The following BRD4 variants were observed in gnomAD, a reference collection of about 807,000 sequenced individuals.
BRD4 encodes the protein bromodomain-containing protein 4.
Under a neutral mutation model 142.1 loss-of-function variants are expected in BRD4, and 16 were observed. The observed-to-expected ratio is 0.11, with a 90% CI of 0.08 to 0.17. The LOEUF is 0.17. Among genes scored for constraint, BRD4 ranks in the 10% least tolerant of loss-of-function variants. BRD4 has a pLI of 1.00. For missense variants in BRD4, 1,424 were observed against 1,810.9 expected (o/e 0.79, Z 3.88); for synonymous variants, 833 against 707.5 (o/e 1.18, Z -2.82).
chr19:15,255,609 C>G lies in BRD4; in HGVS notation c.1752-17G>C. 1 of 1,583,580 alleles carries G rather than the reference C, an allele frequency of 6.3e-7. No homozygotes were observed. Among genetic ancestry groups the G allele is most frequent in the Non-Finnish European group, 8.6e-7 (1 of 1,160,852 alleles). On this transcript the variant is annotated splice_polypyrimidine_tract_variant and intron_variant, in intron 9 of 19. Coordinates refer to ENST00000679869, the MANE Select transcript of BRD4 (RefSeq NM_001379291.1). ...TCCTTCTTGCTACGAAGGGACGATG[C>G]AGACACCATCAAGAACGGGCCCCCT...
chr19:15,264,831 G>A (rs1032081225), intron 5 of BRD4, 65 bp from the exon 6 acceptor site: 73 of 1,543,860 alleles, frequency 4.7e-5, no homozygotes, highest in Admixed American at 1.9e-4. Context: ...TGCCCTCAGG[G>A]TCACCCCCAA....
intron 2 of BRD4, among the ~76,000 whole-genome samples, chr19:15,269,260 G>C (rs1456555826): frequency 6.6e-6 from 1 of 152,196 alleles, no homozygotes; most frequent in Non-Finnish European, 1.5e-5. Flanking sequence ...GTAATTCAGA[G>C]GGAAACGTAC....
chr19:15,316,103 C>G (rs1202056201), intron 1 of BRD4, among the ~76,000 whole-genome samples: 5 of 145,800 alleles, frequency 3.4e-5, no homozygotes, highest in Admixed American at 7.1e-5. Context: ...TTGCAGTGAG[C>G]CGAGATCGCG....
chr19:15,252,061 T>G (rs1429765046), intron 11 of BRD4, among the ~76,000 whole-genome samples: 1 of 152,196 alleles, frequency 6.6e-6, no homozygotes, highest in African/African-American at 2.4e-5. Flanking sequence ...TTTCCACTTT[T>G]TTTTAAAGTG....
At chr19:15,301,289 A>G (rs2047865267) in intron 1 of BRD4, among the ~76,000 whole-genome samples, 2 of 152,322 alleles carry the variant, frequency 1.3e-5, no homozygotes, top group African/African-American at 2.4e-5. Context: ...GGAGCCGGAC[A>G]CGGTGGCTCA....
chr19:15,325,895 G>A (rs184829816), intron 1 of BRD4, among the ~76,000 whole-genome samples: 367 of 150,940 alleles, frequency 2.4e-3, no homozygotes, highest in African/African-American at 8.4e-3. Context: ...CTACTAAGGA[G>A]GCTGAGGCAG....
rs2145498916 is a variant in BRD4 at position 15,238,970 on chromosome 19, C to A, written c.3793G>T (p.Asp1265Tyr). ...LRQERMRSRE[D>Y]EDALEQARRA... Reference sequence around the variant, plus strand: ...CGGGCCTGCTCCAGCGCATCCTCGTCCTCTCGGCTCCTGGGCAGAGGGTCC... The same window carrying A: ...CGGGCCTGCTCCAGCGCATCCTCGTACTCTCGGCTCCTGGGCAGAGGGTCC... Residue 1265 changes from aspartate to tyrosine, a missense_variant, in exon 19 of 20, where the codon GAC (aspartate) becomes TAC (tyrosine). Physicochemically the swap from Asp to Tyr is radical, Grantham distance 160. Coordinates refer to ENST00000679869, the MANE Select transcript of BRD4 (RefSeq NM_001379291.1). This position sits in a 1 kb window ranked among gnomAD's most constrained non-coding sequence, Gnocchi z 7.2. 6.3e-7 allele frequency: 1 copy of A among 1,587,054 alleles called. No individual in the cohort carries two copies.
chr19:15,291,679 G>A (rs957619345), intron 1 of BRD4, among the ~76,000 whole-genome samples: 1 of 152,108 alleles, frequency 6.6e-6, no homozygotes, highest in Non-Finnish European at 1.5e-5. Context: ...TTTGAACACA[G>A]GGGCTTGTGG....
intron 1 of BRD4, among the ~76,000 whole-genome samples, chr19:15,286,657 A>T (rs1568398667): frequency 1.3e-5 from 2 of 152,218 alleles, no homozygotes; most frequent in Non-Finnish European, 2.9e-5. Context: ...TCAGGTGCTA[A>T]ATTTTCACCC....
chr19:15,268,567 T>C (rs2047556705), intron 3 of BRD4, among the ~76,000 whole-genome samples: 1 of 152,140 alleles, frequency 6.6e-6, no homozygotes, highest in South Asian at 2.1e-4. Context: ...ATCACCCAAA[T>C]GGACTTTGTC....
intron 11 of BRD4, among the ~76,000 whole-genome samples, chr19:15,246,284 G>A (rs1025162281): frequency 5.3e-5 from 8 of 152,266 alleles, no homozygotes; most frequent in African/African-American, 1.9e-4. Flanking sequence ...GTGGTGGTGG[G>A]GGGAGGAGCG....
At chr19:15,290,154 C>T (rs2047771093) in intron 1 of BRD4, among the ~76,000 whole-genome samples, 1 of 152,260 alleles carries the variant, frequency 6.6e-6, no homozygotes, top group East Asian at 1.9e-4. Flanking sequence ...CTAAGGACTT[C>T]ACTGAGGATC....
At chr19:15,281,156 T>C (rs1459411314) in intron 1 of BRD4, among the ~76,000 whole-genome samples, 2 of 152,238 alleles carry the variant, frequency 1.3e-5, no homozygotes, top group Non-Finnish European at 2.9e-5. Flanking sequence ...GCCGGGCCAG[T>C]GGCCGTGCGC....
At position 15,273,149 on chromosome 19, in the gene BRD4, A is replaced by C. The variant is rs1820462345; in HGVS notation, c.-34-16T>G. ...ACCAGGCACTCTACAAAGGAAGAGA[A>C]GAGCCCCCGTGAGATATCAGTCAGC... On this transcript the variant is annotated splice_polypyrimidine_tract_variant and intron_variant, in intron 1 of 19. Transcript: ENST00000679869. 1.3e-6 allele frequency: 2 copies of C among 1,535,824 alleles called. No homozygotes were observed. The highest frequency in any genetic ancestry group is 1.4e-5 in the African/African-American group (1 of 72,588).
Position 15,239,871 on chromosome 19 carries a change from C to A in BRD4, c.3282+39G>T, listed in dbSNP as rs2145502664. 2 of 1,614,042 alleles carry A rather than the reference C, an allele frequency of 1.2e-6. No homozygotes were observed. The highest frequency in any genetic ancestry group is 1.7e-6 in the Non-Finnish European group (2 of 1,180,024). On this transcript the variant is annotated intron_variant, in intron 15 of 19. Transcript: ENST00000679869. The surrounding 1 kb of genome is among the most constrained non-coding windows in gnomAD (Gnocchi z 7.4). Reference sequence around the variant, plus strand: ...CGGTGAGGTGGGCAGGCACCCCCGGCCCTAGCCCACAGGACTATGGCCCAG... The same window carrying A: ...CGGTGAGGTGGGCAGGCACCCCCGGACCTAGCCCACAGGACTATGGCCCAG...
At chr19:15,318,840 T>G (rs1421214195) in intron 1 of BRD4, among the ~76,000 whole-genome samples, 1 of 152,188 alleles carries the variant, frequency 6.6e-6, no homozygotes, top group Admixed American at 6.5e-5. Context: ...TGGTACATTC[T>G]CAAATTCCTT....
chr19:15,301,712 T>C (rs551181089), intron 1 of BRD4, among the ~76,000 whole-genome samples: 1 of 150,718 alleles, frequency 6.6e-6, no homozygotes, highest in Non-Finnish European at 1.5e-5. Context: ...ATACAAAAAA[T>C]TGGCCAGGCA....
intron 7 of BRD4, among the ~76,000 whole-genome samples, chr19:15,258,799 G>A (rs2145581340): frequency 6.6e-6 from 1 of 152,222 alleles, no homozygotes; most frequent in African/African-American, 2.4e-5. Flanking sequence ...ATGTTGCCCA[G>A]GCTGGTCTCC....
At chr19:15,279,918 G>A (rs2047689133) in intron 1 of BRD4, among the ~76,000 whole-genome samples, 1 of 152,204 alleles carries the variant, frequency 6.6e-6, no homozygotes, top group Non-Finnish European at 1.5e-5. Context: ...GGAGCACACA[G>A]GTAGAAAGAC....
Sources: allele counts gnomAD v4.1 joint callset (sites outside exome capture counted in the v4.1 genomes callset), GRCh38; gene constraint gnomAD v4.1.1; non-coding constraint Gnocchi (gnomAD v3.1); transcripts MANE v1.5; gene names NCBI Gene and HGNC (gene_info 2026-07-23, HGNC 2026-07-21).